The following ACAT1 variants were observed in gnomAD, a reference collection of about 807,000 sequenced individuals.
The protein encoded by ACAT1 is acetyl-CoA acetyltransferase 1.
In ACAT1, 28 loss-of-function variants were observed where a neutral mutation model predicts 47.3. That is an observed-to-expected ratio of 0.59 (90% CI 0.44 to 0.81). The LOEUF (loss-of-function observed/expected upper bound fraction) is 0.81, where lower values mean the gene tolerates loss of function less well. Among genes scored for constraint, ACAT1 ranks in the 30% least tolerant of loss-of-function variants. The pLI is 0.00. For missense variants in ACAT1, 469 were observed against 524.3 expected (o/e 0.89, Z 1.03); for synonymous variants, 181 against 173.6 (o/e 1.04, Z -0.34).
At chr11:108,144,210 AT>A in intron 10 of ACAT1, 163 bp downstream of exon 10, 1 of 735,586 alleles carries the variant, frequency 1.4e-6, no homozygotes, top group African/African-American at 1.8e-5. Flanking sequence ...AGCAACAAGG[AT>A]AACAAACAAA....
At chr11:108,141,369 CAAA>C (rs60002941) in intron 7 of ACAT1, among the ~76,000 whole-genome samples, 4 of 69,326 alleles carry the variant, frequency 5.8e-5, no homozygotes, top group Non-Finnish European at 7.6e-5. Context: ...AACCCTGCCT[CAAA>C]AAAAAAAAAA....
chr11:108,121,653 GC>G lies in ACAT1; in HGVS notation c.52del (p.Leu18CysfsTer9). ...CTGCGCAGCGGCGCCCGCAGCCGCA[GC>G]CCCCTGCTCCGGAGGCTGGTGCAGG... ...ALLRSGARSR[S>X]PLLRRLVQEI... On this transcript the variant is annotated frameshift_variant, in exon 1 of 12. Coordinates refer to ENST00000265838, the MANE Select transcript of ACAT1 (RefSeq NM_000019.4). LOFTEE classifies it high-confidence loss of function. 6.5e-7 allele frequency: 1 copy of G among 1,549,940 alleles called. No homozygotes were observed.
intron 1 of ACAT1, among the ~76,000 whole-genome samples, chr11:108,129,810 C>T (rs1051307988): frequency 6.6e-6 from 1 of 152,034 alleles, no homozygotes; most frequent in African/African-American, 2.4e-5. Flanking sequence ...CTAGGACATC[C>T]AAGGATAGGA....
rs397951009 is a variant in ACAT1, at chr11:108,131,354, ATTTTTT to A, written c.73-540_73-535del. Among the ~76,000 whole-genome samples the A allele has an allele frequency of 4.0e-3, 251 of 62,664 alleles. 14 individuals are homozygous for A. Among genetic ancestry groups the A allele is most frequent in the African/African-American group, 0.013 (243 of 19,322 alleles). 41.1% of individuals were successfully genotyped at this position (62,664 alleles called of 152,430 possible). On this transcript the variant is annotated intron_variant, in intron 1 of 11. Coordinates refer to ENST00000265838, the MANE Select transcript of ACAT1 (RefSeq NM_000019.4). Reference sequence around the variant, plus strand: ...AAGCTATATTTAAGAAAGACTTGGAATTTTTTTTTTTTTTTTTTAGACAGTCTTGCT... The same window carrying A: ...AAGCTATATTTAAGAAAGACTTGGAATTTTTTTTTTTTAGACAGTCTTGCT...
intron 10 of ACAT1, 92 bp from the exon 11 acceptor site, chr11:108,146,110 C>A: frequency 8.9e-7 from 1 of 1,127,268 alleles, no homozygotes; most frequent in Non-Finnish European, 1.3e-6. Context: ...ATTTAAATAA[C>A]TTATGTCAAA....
At chr11:108,126,380 A>G (rs547251487) in intron 1 of ACAT1, among the ~76,000 whole-genome samples, 2 of 152,344 alleles carry the variant, frequency 1.3e-5, no homozygotes, top group African/African-American at 2.4e-5. Flanking sequence ...AAGAGATGCC[A>G]GTGGCTGGCA....
At position 108,133,919 on chromosome 11, in the gene ACAT1, G is replaced by A. The variant is rs901575634; in HGVS notation, c.220G>A (p.Gly74Arg). The part of the protein sequence containing the change: ...ATKLGSIAIQ[G>R]AIEKAGIPKE... ...TAAGCTTGGTTCCATTGCAATTCAG[G>A]GAGCCATTGAAAAGGCAGGTCAGTA... The change falls in exon 3 of 12, where the codon GGA becomes AGA. Residue 74 changes from glycine to arginine, a missense_variant. Coordinates refer to ENST00000265838, the MANE Select transcript of ACAT1 (RefSeq NM_000019.4). The A allele has an allele frequency of 6.2e-7, 1 of 1,613,960 alleles. No individual in the cohort carries two copies. The highest frequency in any genetic ancestry group is 1.1e-5 in the South Asian group (1 of 91,062).
At chr11:108,117,800 C>T (rs1246134303), upstream of ACAT1, among the ~76,000 whole-genome samples, 1 of 151,980 alleles carries the variant, frequency 6.6e-6, no homozygotes, top group Non-Finnish European at 1.5e-5. Flanking sequence ...TTTAATTTTC[C>T]ACTAGTTTCC....
chr11:108,139,314 G>C (rs560543018), intron 6 of ACAT1: 1 of 437,660 alleles, frequency 2.3e-6, no homozygotes, highest in South Asian at 2.1e-5. Context: ...TGAGTGGCTG[G>C]GTGCGGTGGC....
chr11:108,131,339 TA>T (rs999115667), intron 1 of ACAT1, among the ~76,000 whole-genome samples: 18 of 146,630 alleles, frequency 1.2e-4, no homozygotes, highest in African/African-American at 4.5e-4. Context: ...AAGCTATATT[TA>T]AGAAAGACTT....
intron 1 of ACAT1, among the ~76,000 whole-genome samples, chr11:108,124,573 T>C (rs963030431): frequency 2.0e-5 from 3 of 152,136 alleles, no homozygotes; most frequent in African/African-American, 7.2e-5. Flanking sequence ...CCACCACACC[T>C]GGCCCCCTTC....
chr11:108,139,116 A>G (rs2077530024), intron 6 of ACAT1, 75 bp downstream of exon 6: 1 of 1,565,228 alleles, frequency 6.4e-7, no homozygotes, highest in African/African-American at 1.4e-5. Context: ...TATGTACTTT[A>G]CAAACTGAAC....
chr11:108,139,136 G>A, intron 6 of ACAT1, 95 bp downstream of exon 6: 1 of 1,494,066 alleles, frequency 6.7e-7, no homozygotes, highest in Non-Finnish European at 9.3e-7. Context: ...CTGAAAGATG[G>A]GCTCTATAAA....
At chr11:108,135,099 G>A (rs1370198187) in intron 4 of ACAT1, 43 bp from the exon 5 acceptor site, 2 of 1,396,824 alleles carry the variant, frequency 1.4e-6, no homozygotes, top group African/African-American at 2.8e-5. Context: ...CTGCAGTTGT[G>A]TTTGAGTATC....
chr11:108,143,969 C>CG lies in ACAT1; in HGVS notation c.941-14_941-13insG. The CG allele has an allele frequency of 2.9e-6, 2 of 685,214 alleles. No individual in the cohort carries two copies. Among genetic ancestry groups the CG allele is most frequent in the Non-Finnish European group, 4.5e-6 (2 of 444,288 alleles). The allele number at this position is 685,214 out of a possible 1,614,324, so 42.4% of individuals were successfully genotyped here. A position where few individuals can be genotyped will look rare whatever the true frequency, so the allele number is the denominator to read the frequency against. Reference sequence around the variant, plus strand: ...AAAGATTTTAACAACCCCCCCCCCCCTTTTTTTAAACAGCATTTGCTGACG... The same window carrying CG: ...AAAGATTTTAACAACCCCCCCCCCCCGTTTTTTTAAACAGCATTTGCTGACG... On this transcript the variant is annotated splice_polypyrimidine_tract_variant and intron_variant, in intron 9 of 11. Transcript: ENST00000265838.
upstream of ACAT1, chr11:108,121,520 T>A (rs1456714811): frequency 7.1e-7 from 1 of 1,414,770 alleles, no homozygotes; most frequent in African/African-American, 1.4e-5. Flanking sequence ...GGATGGGCGG[T>A]GCCCGCGCCG....
intron 1 of ACAT1, among the ~76,000 whole-genome samples, chr11:108,131,661 A>G (rs2077362113): frequency 1.3e-5 from 2 of 152,024 alleles, no homozygotes; most frequent in African/African-American, 4.8e-5. Context: ...CAAGACTTGG[A>G]AATTTTAAGA....
chr11:108,139,662 G>A (rs2077547384), intron 6 of ACAT1, among the ~76,000 whole-genome samples: 1 of 151,976 alleles, frequency 6.6e-6, no homozygotes, highest in African/African-American at 2.4e-5. Context: ...ATATATATAT[G>A]TTATTATTAT....
At chr11:108,142,724 C>T (rs1591371425) in intron 9 of ACAT1, 174 bp downstream of exon 9, 2 of 601,136 alleles carry the variant, frequency 3.3e-6, no homozygotes, top group East Asian at 6.1e-5. Flanking sequence ...GTACTACCAT[C>T]TACTCGGGAA....
Sources: allele counts gnomAD v4.1 joint callset (sites outside exome capture counted in the v4.1 genomes callset), GRCh38; gene constraint gnomAD v4.1.1; transcripts MANE v1.5; gene names NCBI Gene and HGNC (gene_info 2026-07-23, HGNC 2026-07-21).